The following DICER1 variants were observed in gnomAD, a reference collection of about 807,000 sequenced individuals.
DICER1 encodes dicer 1, ribonuclease III, also known as endoribonuclease Dicer.
A neutral mutation model predicts 194.1 loss-of-function variants in DICER1; 43 were observed. The ratio of observed to expected loss-of-function variants is 0.22; its 90% confidence interval spans 0.17 to 0.29. The LOEUF is 0.29. DICER1 is among the 10% of genes least tolerant of loss of function. The pLI, the probability that DICER1 is intolerant of heterozygous loss-of-function variation, is 1.00. For missense variants in DICER1, 1,608 were observed against 2,317.0 expected (o/e 0.69, Z 6.28); for synonymous variants, 832 against 820.5 (o/e 1.01, Z -0.24).
Position 95,105,720 on chromosome 14 carries a change from A to G in DICER1, c.3051T>C (p.Ala1017=). The G allele has an allele frequency of 6.2e-7, 1 of 1,614,158 alleles. No homozygotes were observed. Among genetic ancestry groups the G allele is most frequent in the East Asian group, 2.2e-5 (1 of 44,890 alleles). The change falls in exon 19 of 27, where the codon GCT becomes GCC. Residue 1017 remains alanine, a synonymous_variant. Transcript: ENST00000343455. The surrounding 1 kb of genome is among the most constrained non-coding windows in gnomAD (Gnocchi z 4.9). ...QKGKALPLSS[A]EKRKAKWESL... ...TTTCCCATTTGGCTTTCCTCTTCTC[A>G]GCACTGCTTAAAGGAAGCGCTTTCC...
intron 7 of DICER1, among the ~76,000 whole-genome samples, 176 bp downstream of exon 7, chr14:95,126,404 T>C (rs1037000174): frequency 1.3e-5 from 2 of 152,130 alleles, no homozygotes; most frequent in Non-Finnish European, 2.9e-5. Context: ...AAATGTGCAC[T>C]GGATAACAAT....
intron 1 of DICER1, among the ~76,000 whole-genome samples, chr14:95,148,034 A>G (rs1895254757): frequency 6.6e-6 from 1 of 152,244 alleles, no homozygotes; most frequent in East Asian, 1.9e-4. Context: ...GTCCATCTCA[A>G]TAAAAATAAG....
intron 6 of DICER1, 54 bp from the exon 7 acceptor site, chr14:95,126,802 A>T (rs1385024008): frequency 9.8e-6 from 12 of 1,228,150 alleles, no homozygotes; most frequent in South Asian, 4.0e-5. Flanking sequence ...AATGCAATTT[A>T]AAAAAAGTTT....
chr14:95,134,294 T>C (rs1305203310), intron 1 of DICER1: 1 of 152,250 alleles, frequency 6.6e-6, no homozygotes, highest in Non-Finnish European at 1.5e-5. Flanking sequence ...CTATATTTCA[T>C]ATAGTTTTTC....
chr14:95,104,277 C>G, intron 20 of DICER1, 151 bp from the exon 21 acceptor site: 1 of 679,474 alleles, frequency 1.5e-6, no homozygotes, highest in Non-Finnish European at 2.5e-6. Context: ...TTTTAATTTA[C>G]AGTGTAAATT....
chr14:95,115,645 C>G, intron 11 of DICER1, 22 bp downstream of exon 11: 1 of 1,613,808 alleles, frequency 6.2e-7, no homozygotes, highest in Non-Finnish European at 8.5e-7. Flanking sequence ...AGGTTTTCCA[C>G]ACAAATGATA....
intron 3 of DICER1, 107 bp downstream of exon 3, chr14:95,132,408 G>T: frequency 8.0e-7 from 1 of 1,248,562 alleles, no homozygotes; most frequent in Non-Finnish European, 1.2e-6. Flanking sequence ...TACATTATCT[G>T]TCAAACTTTC....
Position 95,124,787 on chromosome 14 carries a change from T to G in DICER1, c.904-119A>C. On this transcript the variant is annotated intron_variant, in intron 7 of 26. Transcript: ENST00000343455. This position sits in a 1 kb window ranked among gnomAD's most constrained non-coding sequence, Gnocchi z 4.5. ...TGGCTCCTTAAATGTAACCCAGCCT[T>G]AGGTTAAGTCCCTGAAGGTGGGGGG... The G allele has an allele frequency of 1.2e-6, 1 of 854,102 alleles. No individual in the cohort carries two copies. Among genetic ancestry groups the G allele is most frequent in the Non-Finnish European group, 1.9e-6 (1 of 534,222 alleles). 52.9% of individuals were successfully genotyped at this position (854,102 alleles called of 1,614,324 possible). A position where few individuals can be genotyped will look rare whatever the true frequency, so the allele number is the denominator to read the frequency against.
At chr14:95,122,959 C>CACAAAGAAAGAAAGAAAG (rs147100923) in intron 8 of DICER1, among the ~76,000 whole-genome samples, 6 of 149,324 alleles carry the variant, frequency 4.0e-5, no homozygotes, top group Admixed American at 6.6e-5. Flanking sequence ...CACACACACA[C>CACAAAGAAAGAAAGAAAG]AAAGAAAGAA....
Position 95,086,667 on chromosome 14 carries a change from T to C in DICER1, c.*3831A>G. On this transcript the variant is annotated 3_prime_UTR_variant, in exon 27 of 27. Transcript: ENST00000343455. ...TGTGAAAAATCATTTTCACTGCTAG[T>C]GGAAAATACAATGGTCTCAATGCAA... 4.3e-6 allele frequency: 1 copy of C among 233,344 alleles called. No homozygotes were observed. Among genetic ancestry groups the C allele is most frequent in the Non-Finnish European group, 8.5e-6 (1 of 117,862 alleles). 14.5% of individuals were successfully genotyped at this position (233,344 alleles called of 1,614,324 possible). A position where few individuals can be genotyped will look rare whatever the true frequency, so the allele number is the denominator to read the frequency against.
intron 26 of DICER1, 166 bp from the exon 27 acceptor site, chr14:95,090,829 G>C (rs976481190): frequency 1.7e-5 from 17 of 982,808 alleles, no homozygotes; most frequent in Non-Finnish European, 2.5e-5. Context: ...CCGACAGACA[G>C]GGCTGCCGTC....
At chr14:95,146,658 T>C (rs1236391241) in intron 1 of DICER1, among the ~76,000 whole-genome samples, 1 of 152,102 alleles carries the variant, frequency 6.6e-6, no homozygotes. Context: ...ACAGGTAGGC[T>C]GGGGCATGAC....
rs999642738 is a variant in DICER1, at chr14:95,117,788, T to C, written c.1377-34A>G. ...ATTATACACATTTGGAAGTTAAACGTTGCTGAAAGAAAATAAACTTTTGTT... is the reference window on the plus strand; with the variant it reads ...ATTATACACATTTGGAAGTTAAACGCTGCTGAAAGAAAATAAACTTTTGTT... On this transcript the variant is annotated intron_variant, in intron 8 of 26. Transcript: ENST00000343455. The C allele has an allele frequency of 1.9e-6, 3 of 1,607,234 alleles. No individual in the cohort carries two copies. In the South Asian group the frequency reaches 3.3e-5, roughly 18 times the overall value.
At chr14:95,146,063 A>G (rs139125106) in intron 1 of DICER1, among the ~76,000 whole-genome samples, 23 of 152,386 alleles carry the variant, frequency 1.5e-4, no homozygotes, top group African/African-American at 5.0e-4. Context: ...TGGTAAGTTT[A>G]TAATGAACAA....
chr14:95,126,920 T>C (rs1451927988), intron 6 of DICER1, among the ~76,000 whole-genome samples, 172 bp from the exon 7 acceptor site: 1 of 151,878 alleles, frequency 6.6e-6, no homozygotes, highest in African/African-American at 2.4e-5. Flanking sequence ...TATTTTTCTA[T>C]ATTACCATAT....
rs1891345626 is a variant in DICER1 at position 95,105,620 on chromosome 14, T to C, written c.3093+58A>G. The C allele has an allele frequency of 1.6e-6, 2 of 1,260,854 alleles. No homozygotes were observed. Among genetic ancestry groups the C allele is most frequent in the Middle Eastern group, 1.9e-4 (1 of 5,384 alleles). 78.1% of individuals were successfully genotyped at this position (1,260,854 alleles called of 1,614,324 possible). On this transcript the variant is annotated intron_variant, in intron 19 of 26. Coordinates refer to ENST00000343455, the MANE Select transcript of DICER1 (RefSeq NM_177438.3). This position sits in a 1 kb window ranked among gnomAD's most constrained non-coding sequence, Gnocchi z 4.9. ...GTAAGATAAAATTCAAACTTATCTT[T>C]AATAATCTTTAATACTCAAACAAAT...
intron 1 of DICER1, among the ~76,000 whole-genome samples, chr14:95,155,609 A>C (rs1011741383): frequency 6.6e-6 from 1 of 152,204 alleles, no homozygotes; most frequent in Non-Finnish European, 1.5e-5. Context: ...GTCAGGGCTT[A>C]CCCTTCAAAC....
intron 3 of DICER1, among the ~76,000 whole-genome samples, chr14:95,132,203 T>C (rs1429513287): frequency 6.6e-6 from 1 of 152,174 alleles, no homozygotes; most frequent in Non-Finnish European, 1.5e-5. Flanking sequence ...TAAGCACCTT[T>C]TGACATACTT....
rs774991525 is a variant in DICER1 at position 95,104,105 on chromosome 14, C to T, written c.3291G>A (p.Gly1097=). ...ATTTGCTGTCAATAGATTTTTTCCA[C>T]CCGAAGTCTAAGTTAGGGTATCTGC... ...ADFRYPNLDF[G]WKKSIDSKSF... The change falls in exon 21 of 27, where the codon GGG becomes GGA. Residue 1097 remains glycine, a synonymous_variant. Transcript: ENST00000343455. The T allele has an allele frequency of 1.6e-5, 26 of 1,613,400 alleles. No homozygotes were observed. The highest frequency in any genetic ancestry group is 2.1e-5 in the Non-Finnish European group (25 of 1,179,946).
Sources: allele counts gnomAD v4.1 joint callset (sites outside exome capture counted in the v4.1 genomes callset), GRCh38; gene constraint gnomAD v4.1.1; non-coding constraint Gnocchi (gnomAD v3.1); transcripts MANE v1.5; gene names NCBI Gene and HGNC (gene_info 2026-07-23, HGNC 2026-07-21).